The following GCNT4 variants were observed in gnomAD, a reference collection of about 807,000 sequenced individuals.
The protein encoded by GCNT4 is beta-1,3-galactosyl-O-glycosyl-glycoprotein beta-1,6-N-acetylglucosaminyltransferase 4.
GCNT4 carries 17 observed loss-of-function variants against 31.3 expected under a neutral mutation model. That is an observed-to-expected ratio of 0.54 (90% confidence interval 0.37 to 0.81). GCNT4 has a LOEUF of 0.81. Among genes scored for constraint, GCNT4 ranks in the 40% least tolerant of loss-of-function variants. The pLI is 0.00. For synonymous variants in GCNT4, 158 were observed against 190.6 expected (o/e 0.83, Z 1.41); for missense variants, 503 against 525.5 (o/e 0.96, Z 0.42).
chr5:75,041,382 T>C (rs1743315582), intron 3 of GCNT4, among the ~76,000 whole-genome samples: 1 of 152,248 alleles, frequency 6.6e-6, no homozygotes, highest in Admixed American at 6.5e-5. Flanking sequence ...TGTATGACAA[T>C]TGACAGCTTT....
chr5:75,035,269 T>A (rs946333036), intron 3 of GCNT4, among the ~76,000 whole-genome samples: 5 of 152,380 alleles, frequency 3.3e-5, no homozygotes, highest in Admixed American at 3.3e-4. Context: ...CTTGGCAATT[T>A]AAAAACCCAG....
Position 75,029,566 on chromosome 5 carries a change from T to C in GCNT4, c.472A>G (p.Asn158Asp). The C allele has an allele frequency of 1.2e-6, 2 of 1,614,186 alleles. No homozygotes were observed. The highest frequency in any genetic ancestry group is 1.1e-5 in the South Asian group (1 of 91,080). Reference protein sequence around the residue: ...RLIHAIYNQHNIYCIHYDRKA... With the variant: ...RLIHAIYNQHDIYCIHYDRKA... ...CGATCATAATGGATGCAGTAAATAT[T>C]GTGCTGGTTGTATATAGCATGGATA... Residue 158 changes from asparagine (N) to aspartate (D), a missense_variant, in exon 4 of 4, where the codon AAT becomes GAT. By Grantham distance (23) the Asn-to-Asp change is conservative. Coordinates refer to ENST00000652361, the MANE Select transcript of GCNT4 (RefSeq NM_001366737.1).
Position 75,052,431 on chromosome 5 carries a change from A to G in GCNT4, c.-204T>C, listed in dbSNP as rs768113306. On this transcript the variant is annotated splice_region_variant and 5_prime_UTR_variant, in exon 1 of 4. Transcript: ENST00000652361. ...AAACACCCACTCGCCCCGTTTACCT[A>G]GCACCGTTTCCTACGTGAAGACTGC... 1 of 152,112 alleles carries G rather than the reference A, an allele frequency of 6.6e-6. No individual in the cohort carries two copies. Among genetic ancestry groups the G allele is most frequent in the Admixed American group, 6.5e-5 (1 of 15,270 alleles). 9.4% of individuals were successfully genotyped at this position (152,112 alleles called of 1,614,324 possible). A position where few individuals can be genotyped will look rare whatever the true frequency, so the allele number is the denominator to read the frequency against.
At chr5:75,036,273 C>A (rs1361760251) in intron 3 of GCNT4, among the ~76,000 whole-genome samples, 2 of 152,100 alleles carry the variant, frequency 1.3e-5, no homozygotes, top group African/African-American at 4.8e-5. Context: ...TCACTAGGTG[C>A]ACTATTCTAA....
chr5:75,048,487 C>T (rs1000864440), intron 2 of GCNT4, among the ~76,000 whole-genome samples: 11 of 152,082 alleles, frequency 7.2e-5, no homozygotes, highest in African/African-American at 2.7e-4. Context: ...TTTGGCTGAC[C>T]ATACATTTGG....
At position 75,052,417 on chromosome 5, in the gene GCNT4, C is replaced by T. The variant is rs890385335; in HGVS notation, c.-202+12G>A. The T allele has an allele frequency of 2.6e-5, 4 of 152,192 alleles. No homozygotes were observed. The highest frequency in any genetic ancestry group is 5.9e-5 in the Non-Finnish European group (4 of 68,044). The allele number at this position is 152,192 out of a possible 1,614,324, so 9.4% of individuals were successfully genotyped here. On this transcript the variant is annotated intron_variant, in intron 1 of 3. Coordinates refer to ENST00000652361, the MANE Select transcript of GCNT4 (RefSeq NM_001366737.1). The stretch of plus-strand genomic sequence containing the variant: ...TCTTTAAATTTACAAAACACCCACT[C>T]GCCCCGTTTACCTAGCACCGTTTCC...
Position 75,029,106 on chromosome 5 carries a change from A to G in GCNT4, c.932T>C (p.Phe311Ser), listed in dbSNP as rs1008741595. ...GGAGTTGTTGAAAATATATTTAACA[A>G]ATGCTTGACTTAAAACAAAATAAGC... ...GSAYFVLSQAFVKYIFNNSIV... is the reference protein window; with the variant it reads ...GSAYFVLSQASVKYIFNNSIV... Residue 311 changes from phenylalanine (F) to serine (S), a missense_variant, in exon 4 of 4, where the codon TTT becomes TCT. Coordinates refer to ENST00000652361, the MANE Select transcript of GCNT4 (RefSeq NM_001366737.1). 1 of 1,614,106 alleles carries G rather than the reference A, an allele frequency of 6.2e-7. No homozygotes were observed. The highest frequency in any genetic ancestry group is 8.5e-7 in the Non-Finnish European group (1 of 1,179,982).
upstream of GCNT4, among the ~76,000 whole-genome samples, chr5:75,053,360 G>A (rs2149983436): frequency 6.6e-6 from 1 of 152,210 alleles, no homozygotes; most frequent in Admixed American, 6.5e-5. Flanking sequence ...CCTGCCGCCT[G>A]GAGATGGACG....
At chr5:75,043,367 C>T (rs1015199290) in intron 3 of GCNT4, among the ~76,000 whole-genome samples, 7 of 152,210 alleles carry the variant, frequency 4.6e-5, no homozygotes, top group African/African-American at 1.7e-4. Context: ...TGCCTTCCAA[C>T]ATCCATCCTC....
At chr5:75,044,787 A>G (rs1743398009) in intron 3 of GCNT4, among the ~76,000 whole-genome samples, 1 of 152,194 alleles carries the variant, frequency 6.6e-6, no homozygotes, top group Non-Finnish European at 1.5e-5. Context: ...TGGTGAAGGA[A>G]GAATCAGACA....
rs553186489 is a variant in GCNT4 at position 75,051,262 on chromosome 5, G to T, written c.-143+907C>A. Among the ~76,000 whole-genome samples, 7 of 152,336 alleles carry T rather than the reference G, an allele frequency of 4.6e-5. No individual in the cohort carries two copies. The South Asian group carries it at 1.5e-3, about 32-fold the overall frequency. On this transcript the variant is annotated intron_variant, in intron 2 of 3. Coordinates refer to ENST00000652361, the MANE Select transcript of GCNT4 (RefSeq NM_001366737.1). The stretch of plus-strand genomic sequence containing the variant: ...CAAGGCCTCCTGCCTCAGCACAGAT[G>T]CAGTGAGCTGCAGCACATCTGCGCC...
chr5:75,023,872 CTG>C (rs753969667), downstream of GCNT4: 3 of 152,154 alleles, frequency 2.0e-5, no homozygotes, highest in Non-Finnish European at 4.4e-5. Context: ...TCTTTTCTGG[CTG>C]TTTGTCTTAT....
upstream of GCNT4, among the ~76,000 whole-genome samples, chr5:75,053,262 C>T (rs1743629453): frequency 6.6e-6 from 1 of 151,934 alleles, no homozygotes; most frequent in South Asian, 2.1e-4. Flanking sequence ...GTCCGCCGCG[C>T]GCTCTGGTGG....
the GCNT4 span, among the ~76,000 whole-genome samples, chr5:75,017,954 G>A: frequency 2.0e-5 from 3 of 152,176 alleles, no homozygotes; most frequent in African/African-American, 7.2e-5. Context: ...TTAAAGAGGG[G>A]TGGGTCTATG....
the GCNT4 span, among the ~76,000 whole-genome samples, chr5:75,019,170 T>A: frequency 6.6e-6 from 1 of 152,174 alleles, no homozygotes; most frequent in Admixed American, 6.5e-5. Flanking sequence ...CTCCCATAAA[T>A]GGGATTAGTG....
chr5:75,043,869 T>C (rs930648807), intron 3 of GCNT4, among the ~76,000 whole-genome samples: 1 of 152,232 alleles, frequency 6.6e-6, no homozygotes, highest in Non-Finnish European at 1.5e-5. Flanking sequence ...AGTACATTCC[T>C]ATATATAGCC....
At chr5:75,018,410 T>G in the GCNT4 span, among the ~76,000 whole-genome samples, 1 of 152,150 alleles carries the variant, frequency 6.6e-6, no homozygotes, top group African/African-American at 2.4e-5. Context: ...GCCTCCTGAG[T>G]AGCTGTGATT....
intron 3 of GCNT4, among the ~76,000 whole-genome samples, chr5:75,031,441 C>CTA (rs1286408410): frequency 6.6e-6 from 1 of 152,196 alleles, no homozygotes; most frequent in Non-Finnish European, 1.5e-5. Flanking sequence ...TCAGTCACAA[C>CTA]TACTCAATTC....
At chr5:75,036,155 G>GAA (rs536937170) in intron 3 of GCNT4, among the ~76,000 whole-genome samples, 10 of 143,644 alleles carry the variant, frequency 7.0e-5, no homozygotes, top group African/African-American at 2.3e-4. Context: ...GTATTTACTT[G>GAA]AAAAAAAAAA....
Sources: gnomAD v4.1 joint callset for allele counts (sites outside exome capture counted in the v4.1 genomes callset) on GRCh38, gnomAD v4.1.1 for gene constraint, MANE v1.5 for transcripts, NCBI Gene and HGNC (gene_info 2026-07-23, HGNC 2026-07-21) for gene names.